Variants in KANK1 observed in about 807,000 individuals in gnomAD.
The protein encoded by KANK1 is KN motif and ankyrin repeat domains 1, also known as KN motif and ankyrin repeat domain-containing protein 1.
A neutral mutation model predicts 106.2 loss-of-function variants in KANK1; 109 were observed. That is an observed-to-expected ratio of 1.03 (90% CI 0.88 to 1.20). KANK1 has a LOEUF of 1.20. Ranked by LOEUF, KANK1 falls within the 50% of genes most tolerant of loss-of-function variation. KANK1 has a pLI of 0.00. For synonymous variants in KANK1, 873 were observed against 652.2 expected, an observed-to-expected ratio of 1.34 and a Z score of -5.16; for missense variants, 2,399 against 1,710.7, an observed-to-expected ratio of 1.40 and a Z score of -7.10.
chr9:511,553 C>T (rs1486970081), intron 1 of KANK1, among the ~76,000 whole-genome samples: 1 of 147,190 alleles, frequency 6.8e-6, no homozygotes, highest in Admixed American at 6.6e-5. Context: ...GAGTTAAAAC[C>T]AACTCTGTTG....
At chr9:590,952 G>T (rs951577878) in intron 1 of KANK1, among the ~76,000 whole-genome samples, 7 of 151,780 alleles carry the variant, frequency 4.6e-5, no homozygotes, top group Non-Finnish European at 1.0e-4. Flanking sequence ...TCCATCACCA[G>T]TATGCGAGAG....
chr9:710,621 AAAAAAAAACAAAAAAAAAC>A (rs1825719831), intron 2 of KANK1, among the ~76,000 whole-genome samples, 164 bp from the exon 3 acceptor site: 1 of 128,170 alleles, frequency 7.8e-6, no homozygotes, highest in African/African-American at 4.0e-5. Context: ...GTCTCAAAAA[AAAAAAAAACAAAAAAAAAC>A]AAAAAAAACT....
intron 2 of KANK1, among the ~76,000 whole-genome samples, chr9:709,446 G>C (rs965886322): frequency 6.6e-6 from 1 of 152,064 alleles, no homozygotes; most frequent in African/African-American, 2.4e-5. Context: ...CTCATCCCAG[G>C]CCTCCTGGTT....
At chr9:521,581 T>C (rs2059554709) in intron 1 of KANK1, among the ~76,000 whole-genome samples, 1 of 150,410 alleles carries the variant, frequency 6.6e-6, no homozygotes. Flanking sequence ...TTTTTTTTTT[T>C]TTTGGAGACA....
intron 1 of KANK1, among the ~76,000 whole-genome samples, chr9:628,118 C>G (rs1054950603): frequency 6.6e-6 from 1 of 152,180 alleles, no homozygotes; most frequent in Non-Finnish European, 1.5e-5. Context: ...TTTCCTGCAT[C>G]TTATTGATGA....
intron 2 of KANK1, chr9:471,057 A>G (rs938427771): frequency 1.3e-5 from 2 of 152,202 alleles, no homozygotes; most frequent in African/African-American, 4.8e-5. Flanking sequence ...TTGCATTGTC[A>G]CTGGGAAATA....
chr9:687,017 C>G (rs1456898702), intron 2 of KANK1: 6 of 686,852 alleles, frequency 8.7e-6, no homozygotes, highest in Non-Finnish European at 1.0e-5. Context: ...GCAGATACTG[C>G]TGAATTTCTT....
chr9:514,633 G>A (rs2059200793), intron 1 of KANK1, among the ~76,000 whole-genome samples: 1 of 151,612 alleles, frequency 6.6e-6, no homozygotes, highest in Non-Finnish European at 1.5e-5. Flanking sequence ...ATGTGGTTAT[G>A]GGTTCATGCT....
intron 1 of KANK1, among the ~76,000 whole-genome samples, chr9:557,208 A>T (rs1461469861): frequency 6.8e-6 from 1 of 146,366 alleles, no homozygotes; most frequent in Non-Finnish European, 1.5e-5. Context: ...AAAAAAAAAA[A>T]TTTATTCATT....
chr9:587,445 A>G (rs1368555376), intron 1 of KANK1, among the ~76,000 whole-genome samples: 1 of 152,222 alleles, frequency 6.6e-6, no homozygotes, highest in Non-Finnish European at 1.5e-5. Flanking sequence ...TGATACATCA[A>G]AAGGAGTATT....
chr9:663,596 G>A (rs980700487), intron 1 of KANK1, among the ~76,000 whole-genome samples: 1 of 152,102 alleles, frequency 6.6e-6, no homozygotes, highest in African/African-American at 2.4e-5. Context: ...GCTTTCTTTT[G>A]TAGCAGAACA....
At chr9:506,434 C>T (rs1273416135) in intron 1 of KANK1, among the ~76,000 whole-genome samples, 1 of 152,062 alleles carries the variant, frequency 6.6e-6, no homozygotes, top group African/African-American at 2.4e-5. Flanking sequence ...ACATTTTATC[C>T]CCTTAGGGCA....
At chr9:540,804 C>T (rs1310856783) in intron 1 of KANK1, 1 of 152,156 alleles carries the variant, frequency 6.6e-6, no homozygotes, top group East Asian at 1.9e-4. Flanking sequence ...AATTGGTTGG[C>T]ATATATTTGT....
intron 1 of KANK1, among the ~76,000 whole-genome samples, chr9:602,812 T>C (rs1244070584): frequency 4.6e-5 from 7 of 151,904 alleles, no homozygotes; most frequent in Non-Finnish European, 1.0e-4. Flanking sequence ...CGCTTTTAGT[T>C]CTTGCAAAAT....
intron 1 of KANK1, among the ~76,000 whole-genome samples, chr9:558,239 A>C (rs1215986300): frequency 6.6e-6 from 1 of 152,224 alleles, no homozygotes; most frequent in Non-Finnish European, 1.5e-5. Context: ...ATCCAGAGAT[A>C]GCAAACTGCT....
intron 1 of KANK1, among the ~76,000 whole-genome samples, chr9:523,250 C>G (rs2059630468): frequency 6.6e-6 from 1 of 151,690 alleles, no homozygotes; most frequent in African/African-American, 2.4e-5. Context: ...CTTCTCCCCA[C>G]AGACTTCTAG....
At chr9:660,935 G>A (rs1197548755) in intron 1 of KANK1, among the ~76,000 whole-genome samples, 1 of 152,172 alleles carries the variant, frequency 6.6e-6, no homozygotes, top group Admixed American at 6.5e-5. Context: ...ACCAGAATGT[G>A]AGACCAACCT....
chr9:710,936 C>T lies in KANK1; in HGVS notation c.170C>T (p.Thr57Ile). Residue 57 changes from threonine to isoleucine, a missense_variant, in exon 3 of 12, where the codon ACC becomes ATC. By Grantham distance (89) the Thr-to-Ile change is moderately conservative. Coordinates refer to ENST00000382297, the MANE Select transcript of KANK1 (RefSeq NM_015158.5). Reference sequence around the variant, plus strand: ...GTGGATGACATACAGAAGGGAAATACCATCAAAAGACTGAACATCCAGAAG... The same window carrying T: ...GTGGATGACATACAGAAGGGAAATATCATCAAAAGACTGAACATCCAGAAG... Reference protein sequence around the residue: ...KYVDDIQKGNTIKRLNIQKRR... With the variant: ...KYVDDIQKGNIIKRLNIQKRR... 6.2e-7 allele frequency: 1 copy of T among 1,614,112 alleles called. No homozygotes were observed. The highest frequency in any genetic ancestry group is 1.1e-5 in the South Asian group (1 of 91,076).
chr9:584,252 A>G (rs1020893713), intron 1 of KANK1, among the ~76,000 whole-genome samples: 12 of 152,078 alleles, frequency 7.9e-5, no homozygotes, highest in African/African-American at 2.9e-4. Flanking sequence ...ACAAGTTACA[A>G]GTAATATCAT....
Sources: allele counts gnomAD v4.1 joint callset (sites outside exome capture counted in the v4.1 genomes callset), GRCh38; gene constraint gnomAD v4.1.1; transcripts MANE v1.5; gene names NCBI Gene and HGNC (gene_info 2026-07-23, HGNC 2026-07-21).